The following DST variants were observed in gnomAD, a reference collection of about 807,000 sequenced individuals.
DST encodes the protein dystonin.
DST carries 253 observed loss-of-function variants against 875.2 expected under a neutral mutation model. The ratio of observed to expected loss-of-function variants is 0.29; its 90% confidence interval spans 0.26 to 0.32. The LOEUF is 0.32. DST is among the 10% of genes least tolerant of loss of function. DST has a pLI of 1.00. For missense variants in DST, 8,287 were observed against 9,111.6 expected (o/e 0.91, Z 3.68); for synonymous variants, 3,124 against 3,197.1 (o/e 0.98, Z 0.77).
At chr6:56,586,656 C>A (rs538716665) in intron 49 of DST, among the ~76,000 whole-genome samples, 2 of 152,200 alleles carry the variant, frequency 1.3e-5, no homozygotes, top group East Asian at 3.9e-4. Flanking sequence ...CTGGGAGGCA[C>A]CCCCCAGTAG....
At chr6:56,616,010 G>T in intron 36 of DST, 1 of 1,614,162 alleles carries the variant, frequency 6.2e-7, no homozygotes, top group Non-Finnish European at 8.5e-7. Flanking sequence ...TATGCCCCCT[G>T]TACTGACTTG....
chr6:56,572,042 G>A (rs1341037200), intron 53 of DST, 58 bp downstream of exon 53: 5 of 990,564 alleles, frequency 5.0e-6, no homozygotes, highest in African/African-American at 1.7e-5. Flanking sequence ...GTAAATACAA[G>A]TATCTCACTC....
chr6:56,935,279 C>T (rs1284088302), intron 2 of DST, among the ~76,000 whole-genome samples: 1 of 152,182 alleles, frequency 6.6e-6, no homozygotes, highest in Admixed American at 6.5e-5. Context: ...ATTTGGGATT[C>T]ACTTTGGGAT....
At chr6:56,818,415 C>A (rs1286683755) in intron 4 of DST, among the ~76,000 whole-genome samples, 7 of 152,182 alleles carry the variant, frequency 4.6e-5, no homozygotes, top group African/African-American at 1.7e-4. Flanking sequence ...CTGTTTGTAT[C>A]TTTTATTATA....
chr6:56,746,559 G>C (rs2099573008), intron 4 of DST, among the ~76,000 whole-genome samples: 1 of 152,020 alleles, frequency 6.6e-6, no homozygotes, highest in African/African-American at 2.4e-5. Context: ...TACAAGATCA[G>C]TGAAAAAAAA....
intron 4 of DST, among the ~76,000 whole-genome samples, chr6:56,814,234 G>A (rs929216222): frequency 6.6e-6 from 1 of 152,088 alleles, no homozygotes; most frequent in Non-Finnish European, 1.5e-5. Context: ...TCATGTATGT[G>A]GAAAATGAGC....
chr6:56,517,502 T>A lies in DST; in HGVS notation c.18248A>T (p.Lys6083Met). ...GCAATTGGAAATGTATTTCTTCACC[T>A]TTTGAACTTGAAGCTGAGCAGAAGT... ...DQTSAQLQVQ[K>M]TFTMEILRHK... Residue 6083 changes from lysine (K) to methionine (M), a missense_variant and splice_region_variant, in exon 70 of 104, where the codon AAG (lysine) becomes ATG (methionine). Coordinates refer to ENST00000680361, the MANE Select transcript of DST (RefSeq NM_001374736.1). 6.2e-7 allele frequency: 1 copy of A among 1,612,096 alleles called. No individual in the cohort carries two copies. Among genetic ancestry groups the A allele is most frequent in the Non-Finnish European group, 8.5e-7 (1 of 1,179,046 alleles).
chr6:56,562,252 A>G, intron 55 of DST, 52 bp from the exon 56 acceptor site: 1 of 1,283,506 alleles, frequency 7.8e-7, no homozygotes, highest in Non-Finnish European at 1.1e-6. Context: ...ATTTCTATAC[A>G]TTAACAGTAG....
At chr6:56,880,799 A>G (rs1344621707) in intron 3 of DST, among the ~76,000 whole-genome samples, 1 of 149,600 alleles carries the variant, frequency 6.7e-6, no homozygotes, top group Admixed American at 6.7e-5. Flanking sequence ...TTAATGAAAT[A>G]CTTAATATAG....
At chr6:56,941,150 ACTTTC>A (rs1171237961) in intron 2 of DST, among the ~76,000 whole-genome samples, 1 of 151,818 alleles carries the variant, frequency 6.6e-6, no homozygotes, top group Non-Finnish European at 1.5e-5. Context: ...TTGATTTTAG[ACTTTC>A]CTTCTTTTCT....
At chr6:56,533,289 T>A (rs2096929539) in intron 63 of DST, among the ~76,000 whole-genome samples, 1 of 152,224 alleles carries the variant, frequency 6.6e-6, no homozygotes, top group African/African-American at 2.4e-5. Context: ...ATCAAACAAA[T>A]GGCTCATGAG....
intron 10 of DST, among the ~76,000 whole-genome samples, chr6:56,656,792 T>C (rs999530353): frequency 1.3e-5 from 2 of 152,154 alleles, no homozygotes; most frequent in African/African-American, 2.4e-5. Flanking sequence ...CAAATTATAC[T>C]TCTACTACTG....
At chr6:56,541,922 T>C (rs1173954317) in intron 61 of DST, among the ~76,000 whole-genome samples, 1 of 152,206 alleles carries the variant, frequency 6.6e-6, no homozygotes, top group African/African-American at 2.4e-5. Context: ...TAACAGTGGC[T>C]CAAACACTCA....
chr6:56,762,814 A>G (rs1029634093), intron 4 of DST, among the ~76,000 whole-genome samples: 10 of 150,736 alleles, frequency 6.6e-5, no homozygotes, highest in Middle Eastern at 3.5e-3. Context: ...GTACTATACC[A>G]TAGGTAAAAC....
chr6:56,565,682 C>A (rs1420500194), intron 55 of DST, among the ~76,000 whole-genome samples: 3 of 152,310 alleles, frequency 2.0e-5, no homozygotes, highest in Admixed American at 2.0e-4. Context: ...GCGTCAGGAA[C>A]CCACTTGAGA....
At position 56,639,366 on chromosome 6, in the gene DST, T is replaced by A; in HGVS notation, c.2860-3A>T. ...TGATCAAGTTCTCTCATTAATTCCT[T>A]CAAGAAATAATTAAGAAGTGTGTTA... On this transcript the variant is annotated splice_region_variant and splice_polypyrimidine_tract_variant and intron_variant, in intron 21 of 103. Coordinates refer to ENST00000680361, the MANE Select transcript of DST (RefSeq NM_001374736.1). 3 of 1,612,466 alleles carry A rather than the reference T, an allele frequency of 1.9e-6. No homozygotes were observed. The highest frequency in any genetic ancestry group is 2.5e-6 in the Non-Finnish European group (3 of 1,178,890).
intron 4 of DST, among the ~76,000 whole-genome samples, chr6:56,800,150 T>C (rs1337230001): frequency 6.6e-6 from 1 of 152,140 alleles, no homozygotes; most frequent in Non-Finnish European, 1.5e-5. Context: ...CATTTAAACA[T>C]AATTCCAAAT....
In DST at chr6:56,603,004, ATTC is replaced by A; in HGVS notation, c.11182_11184del (p.Glu3728del). The A allele has an allele frequency of 1.3e-6, 2 of 1,582,896 alleles. No individual in the cohort carries two copies. The highest frequency in any genetic ancestry group is 2.7e-5 in the African/African-American group (2 of 73,062). On this transcript the variant is annotated inframe_deletion, in exon 43 of 104. Transcript: ENST00000680361. ...GAGAATGACTTAAGTTTATGCAGAAATTCTTCATGGGAAACTGCTAGTTTAGAC... is the reference window on the plus strand; with the variant it reads ...GAGAATGACTTAAGTTTATGCAGAAATTCATGGGAAACTGCTAGTTTAGAC...
Position 56,602,893 on chromosome 6 carries a change from C to G in DST, c.11296G>C (p.Glu3766Gln), listed in dbSNP as rs181870264. 6.5e-7 allele frequency: 1 copy of G among 1,533,526 alleles called. No individual in the cohort carries two copies. The highest frequency in any genetic ancestry group is 2.4e-5 in the Admixed American group (1 of 41,288). The allele number at this position is 1,533,526 out of a possible 1,614,324, so 95.0% of individuals were successfully genotyped here. Reference protein sequence around the residue: ...QDSEYVKKRLEFLKNVLKDLG... With the variant: ...QDSEYVKKRLQFLKNVLKDLG... ...GTTTTGATACTTGCCTTGAGAAACTCCAAACGTTTCTTTACATACTCAGAA... is the reference window on the plus strand; with the variant it reads ...GTTTTGATACTTGCCTTGAGAAACTGCAAACGTTTCTTTACATACTCAGAA... The change falls in exon 43 of 104, where the codon GAG becomes CAG. Residue 3766 changes from glutamate (E) to glutamine (Q), a missense_variant. By Grantham distance (29) the Glu-to-Gln change is conservative. This residue lies in a region of DST where 3,138 missense variants were observed against 3,116.6 expected (regional missense o/e 1.01). Coordinates refer to ENST00000680361, the MANE Select transcript of DST (RefSeq NM_001374736.1).
Sources: gnomAD v4.1 joint callset for allele counts (sites outside exome capture counted in the v4.1 genomes callset) on GRCh38, gnomAD v4.1.1 for gene constraint, gnomAD v4.1.1 regional missense constraint, MANE v1.5 for transcripts, NCBI Gene and HGNC (gene_info 2026-07-23, HGNC 2026-07-21) for gene names.